Variants in SIPA1L1 observed in about 807,000 individuals in gnomAD.
SIPA1L1 encodes signal-induced proliferation-associated 1-like protein 1.
Under a neutral mutation model 162.7 loss-of-function variants are expected in SIPA1L1, and 26 were observed. The observed-to-expected ratio is 0.16, with a 90% CI of 0.12 to 0.22. The LOEUF is 0.22. Among genes scored for constraint, SIPA1L1 ranks in the 10% least tolerant of loss-of-function variants. The pLI is 1.00. For synonymous variants in SIPA1L1, 829 were observed against 837.4 expected, an observed-to-expected ratio of 0.99 and a Z score of 0.17; for missense variants, 1,874 against 2,241.0, an observed-to-expected ratio of 0.84 and a Z score of 3.31.
intron 7 of SIPA1L1, among the ~76,000 whole-genome samples, chr14:71,647,157 G>A (rs889007376): frequency 6.6e-6 from 1 of 152,124 alleles, no homozygotes; most frequent in Non-Finnish European, 1.5e-5. Flanking sequence ...TGAGGATACA[G>A]CAAGTGATAT....
intron 10 of SIPA1L1, among the ~76,000 whole-genome samples, chr14:71,666,544 G>T (rs1003101857): frequency 2.0e-5 from 3 of 152,136 alleles, no homozygotes; most frequent in African/African-American, 7.2e-5. Flanking sequence ...AACTAAAATA[G>T]TAATAAGTAG....
chr14:71,572,495 GA>G (rs2032265612), intron 4 of SIPA1L1, among the ~76,000 whole-genome samples: 1 of 152,172 alleles, frequency 6.6e-6, no homozygotes, highest in South Asian at 2.1e-4. Flanking sequence ...AGTGAATTAA[GA>G]AAAGAAGAAA....
intron 2 of SIPA1L1, among the ~76,000 whole-genome samples, chr14:71,467,770 C>T (rs1165847451): frequency 1.3e-5 from 2 of 151,168 alleles, no homozygotes; most frequent in East Asian, 1.9e-4. Flanking sequence ...TATCCTAGCC[C>T]TCTGGAAGGA....
chr14:71,505,123 CTT>C (rs1264156636), intron 2 of SIPA1L1, among the ~76,000 whole-genome samples: 1 of 152,122 alleles, frequency 6.6e-6, no homozygotes, highest in East Asian at 1.9e-4. Context: ...GTTTAAAAAA[CTT>C]TTCTCAACCT....
intron 2 of SIPA1L1, among the ~76,000 whole-genome samples, chr14:71,350,421 A>C (rs1215458981): frequency 6.6e-6 from 1 of 152,042 alleles, no homozygotes; most frequent in African/African-American, 2.4e-5. Context: ...ACAAAACAAA[A>C]AAAAGTGGGA....
intron 3 of SIPA1L1, among the ~76,000 whole-genome samples, chr14:71,516,126 C>T (rs1052528032): frequency 3.9e-5 from 6 of 152,182 alleles, no homozygotes; most frequent in Non-Finnish European, 8.8e-5. Context: ...ATCAGGTCAG[C>T]TTGGCAATGG....
chr14:71,374,694 G>GT (rs35302982), intron 2 of SIPA1L1, among the ~76,000 whole-genome samples: 87,807 of 139,136 alleles, frequency 0.63, 28,181 homozygotes, highest in Non-Finnish European at 0.71. Flanking sequence ...CGTTTTGAAA[G>GT]TTTTTTTTTT....
chr14:71,475,465 C>A (rs1180417382), intron 2 of SIPA1L1, among the ~76,000 whole-genome samples: 1 of 152,032 alleles, frequency 6.6e-6, no homozygotes, highest in Non-Finnish European at 1.5e-5. Context: ...TAGGTAATAC[C>A]TTCAAACAGT....
At chr14:71,455,022 C>T (rs920946361) in intron 2 of SIPA1L1, among the ~76,000 whole-genome samples, 2 of 152,152 alleles carry the variant, frequency 1.3e-5, no homozygotes, top group Admixed American at 6.6e-5. Flanking sequence ...TGACACAGAG[C>T]CAGAACCTGC....
chr14:71,639,545 A>T (rs1183435873), intron 7 of SIPA1L1, among the ~76,000 whole-genome samples: 2 of 152,202 alleles, frequency 1.3e-5, no homozygotes, highest in East Asian at 3.9e-4. Context: ...AATTCCGCCA[A>T]GGTTTTTTTG....
At chr14:71,532,053 G>T (rs973348738) in intron 4 of SIPA1L1, among the ~76,000 whole-genome samples, 1 of 150,854 alleles carries the variant, frequency 6.6e-6, no homozygotes, top group East Asian at 1.9e-4. Context: ...TTACTTAAAT[G>T]TTTAACATTT....
rs889311468 is a variant in SIPA1L1 at position 71,624,153 on chromosome 14, C to T, written c.1735C>T (p.Pro579Ser). 4 of 1,614,078 alleles carry T rather than the reference C, an allele frequency of 2.5e-6. No individual in the cohort carries two copies. Among genetic ancestry groups the T allele is most frequent in the Non-Finnish European group, 3.4e-6 (4 of 1,180,036 alleles). Residue 579 changes from proline (P) to serine (S), a missense_variant, in exon 7 of 24, where the codon CCT (proline) becomes TCT (serine). This residue lies in a region of SIPA1L1 where 685 missense variants were observed against 828.0 expected (regional missense o/e 0.83). Coordinates refer to ENST00000381232, the MANE Select transcript of SIPA1L1 (RefSeq NM_001386936.1). ...PLKEVLEHVV[P>S]ELNVQCLRLA... ...CAAAGAAGTGCTGGAGCACGTGGTT[C>T]CTGAGCTCAATGTCCAGTGCCTGCG...
chr14:71,399,544 A>G (rs1325507673), intron 2 of SIPA1L1, among the ~76,000 whole-genome samples: 1 of 151,992 alleles, frequency 6.6e-6, no homozygotes, highest in Non-Finnish European at 1.5e-5. Context: ...AGCTTGGACC[A>G]CAGGTGCACA....
intron 2 of SIPA1L1, among the ~76,000 whole-genome samples, chr14:71,390,909 T>C (rs1201539721): frequency 1.3e-5 from 2 of 152,188 alleles, no homozygotes; most frequent in Non-Finnish European, 2.9e-5. Context: ...TATAGAATTT[T>C]GATTTTGTTG....
In SIPA1L1 at chr14:71,546,376, C is replaced by CTTTTTTTTTTT. The variant is rs11480749; in HGVS notation, c.-303+17013_-303+17023dup. 1.5e-4 allele frequency among the ~76,000 whole-genome samples: 18 copies of CTTTTTTTTTTT among 116,934 alleles called. 1 individual carries two copies. The highest frequency in any genetic ancestry group is 2.6e-4 in the African/African-American group (8 of 30,560). The allele number at this position is 116,934 out of a possible 152,430, so 76.7% of individuals were successfully genotyped here. On this transcript the variant is annotated intron_variant, in intron 4 of 23. Transcript: ENST00000381232. ...TCTGTATTGTTTTTTCTTTTTCTTTCTTTTTTTTTTTTTTTTTGAGATGGA... is the reference window on the plus strand; with the variant it reads ...TCTGTATTGTTTTTTCTTTTTCTTTCTTTTTTTTTTTTTTTTTTTTTTTTTTTTGAGATGGA...
At chr14:71,520,287 AT>A (rs1267549473) in intron 3 of SIPA1L1, among the ~76,000 whole-genome samples, 2 of 152,232 alleles carry the variant, frequency 1.3e-5, no homozygotes, top group East Asian at 3.8e-4. Flanking sequence ...GTTCATCAAA[AT>A]GAACATCATT....
In SIPA1L1 at chr14:71,730,183, G is replaced by A. The variant is rs150613382; in HGVS notation, c.4743G>A (p.Ala1581=). 93 of 1,614,126 alleles carry A rather than the reference G, an allele frequency of 5.8e-5. No homozygotes were observed. Among genetic ancestry groups the A allele is most frequent in the Non-Finnish European group, 7.3e-5 (86 of 1,180,014 alleles). ...SQREHFFTSR[A]SLLDQALPND... ...GGGAGCACTTTTTCACCTCCAGGGC[G>A]TCACTTCTGGACCAAGCCCTGCCCA... Residue 1581 remains alanine, a synonymous_variant, in exon 20 of 24, where the codon GCG becomes GCA. Transcript: ENST00000381232.
At chr14:71,642,261 C>T (rs933863065) in intron 7 of SIPA1L1, among the ~76,000 whole-genome samples, 1 of 152,086 alleles carries the variant, frequency 6.6e-6, no homozygotes, top group African/African-American at 2.4e-5. Context: ...TTCCAGGCTA[C>T]AGTACAGGCA....
chr14:71,416,720 T>TACACACACACACACAC, intron 2 of SIPA1L1, among the ~76,000 whole-genome samples: 1 of 147,840 alleles, frequency 6.8e-6, no homozygotes, highest in African/African-American at 2.5e-5. Context: ...AAGAAAAATC[T>TACACACACACACACAC]ACACACACAC....
Sources: gnomAD v4.1 joint callset for allele counts (sites outside exome capture counted in the v4.1 genomes callset) on GRCh38, gnomAD v4.1.1 for gene constraint, gnomAD v4.1.1 regional missense constraint, MANE v1.5 for transcripts, NCBI Gene and HGNC (gene_info 2026-07-23, HGNC 2026-07-21) for gene names.